Variants in TMTC2 observed in about 807,000 individuals in gnomAD.
TMTC2 encodes the protein protein O-mannosyl-transferase TMTC2.
Under a neutral mutation model 82.4 loss-of-function variants are expected in TMTC2, and 43 were observed. That is an observed-to-expected ratio of 0.52 (90% CI 0.41 to 0.67). The LOEUF (loss-of-function observed/expected upper bound fraction) is 0.67, where lower values mean the gene tolerates loss of function less well. Ranked by LOEUF, TMTC2 falls within the 30% of genes least tolerant of loss-of-function variation. The pLI is 0.00. For missense variants in TMTC2, 919 were observed against 1,012.4 expected (o/e 0.91, Z 1.25); for synonymous variants, 408 against 381.9 (o/e 1.07, Z -0.80).
chr12:83,121,644 G>T (rs151160113), intron 11 of TMTC2, among the ~76,000 whole-genome samples: 1 of 152,262 alleles, frequency 6.6e-6, no homozygotes, highest in East Asian at 1.9e-4. Context: ...CTGCTGGGAT[G>T]TGGCGCTTCC....
chr12:82,926,657 T>C (rs1035758298), intron 3 of TMTC2, among the ~76,000 whole-genome samples: 11 of 152,198 alleles, frequency 7.2e-5, no homozygotes, highest in African/African-American at 2.7e-4. Flanking sequence ...AGAGAGGTGT[T>C]AGTGCCTGGC....
chr12:82,908,955 C>G (rs996283981), intron 3 of TMTC2, among the ~76,000 whole-genome samples: 5 of 152,138 alleles, frequency 3.3e-5, no homozygotes, highest in African/African-American at 1.2e-4. Flanking sequence ...AAAATCTCTG[C>G]TACAATTGTA....
intron 1 of TMTC2, among the ~76,000 whole-genome samples, chr12:82,753,123 G>A (rs1030202586): frequency 6.6e-6 from 1 of 151,964 alleles, no homozygotes; most frequent in African/African-American, 2.4e-5. Context: ...GAAGCATTCA[G>A]GCAGATACCA....
chr12:82,923,445 T>G (rs2137231705), intron 3 of TMTC2, among the ~76,000 whole-genome samples: 1 of 152,288 alleles, frequency 6.6e-6, no homozygotes, highest in Non-Finnish European at 1.5e-5. Context: ...ATTATACATT[T>G]AACTTGTTCA....
intron 2 of TMTC2, among the ~76,000 whole-genome samples, chr12:82,862,033 A>G (rs1871580020): frequency 6.6e-6 from 1 of 152,174 alleles, no homozygotes; most frequent in Non-Finnish European, 1.5e-5. Context: ...GGGGTCTGGA[A>G]GGTAGGGTTG....
chr12:82,987,948 C>A (rs144675418), intron 8 of TMTC2, among the ~76,000 whole-genome samples: 21 of 152,130 alleles, frequency 1.4e-4, no homozygotes, highest in African/African-American at 4.8e-4. Flanking sequence ...AATTTACCTA[C>A]ATGACCCTGG....
At chr12:82,729,935 G>A (rs923903816) in intron 1 of TMTC2, among the ~76,000 whole-genome samples, 2 of 151,974 alleles carry the variant, frequency 1.3e-5, no homozygotes, top group Non-Finnish European at 2.9e-5. Flanking sequence ...AACTCCAGAT[G>A]CGCTGCTTAA....
intron 7 of TMTC2, among the ~76,000 whole-genome samples, chr12:82,976,415 AT>A (rs201375726): frequency 2.6e-5 from 4 of 151,964 alleles, no homozygotes; most frequent in Non-Finnish European, 5.9e-5. Flanking sequence ...TGAAACACAT[AT>A]TTTTTTCCAT....
intron 1 of TMTC2, among the ~76,000 whole-genome samples, chr12:82,688,355 T>G (rs1022319407): frequency 6.6e-6 from 1 of 152,202 alleles, no homozygotes; most frequent in African/African-American, 2.4e-5. Context: ...TTTGTACTAA[T>G]TGGAGAAGAA....
chr12:82,982,986 A>G (rs1878992110), intron 7 of TMTC2, among the ~76,000 whole-genome samples: 1 of 151,822 alleles, frequency 6.6e-6, no homozygotes, highest in South Asian at 2.1e-4. Flanking sequence ...TAAAGCAACT[A>G]TTATAGAAAT....
At chr12:83,107,165 G>T (rs1480784573) in intron 11 of TMTC2, among the ~76,000 whole-genome samples, 2 of 152,182 alleles carry the variant, frequency 1.3e-5, no homozygotes, top group African/African-American at 4.8e-5. Context: ...TGACAGGGAA[G>T]CTCAGTGGAA....
intron 7 of TMTC2, among the ~76,000 whole-genome samples, chr12:82,977,622 A>T (rs1878731731): frequency 6.6e-6 from 1 of 151,830 alleles, no homozygotes; most frequent in Non-Finnish European, 1.5e-5. Context: ...TTAATAATGA[A>T]ACTATATAAT....
intron 1 of TMTC2, among the ~76,000 whole-genome samples, chr12:82,839,426 G>T (rs753009920): frequency 3.3e-5 from 5 of 152,052 alleles, no homozygotes; most frequent in Non-Finnish European, 7.4e-5. Context: ...TGTATTTTAG[G>T]CCATCATAAA....
chr12:83,082,285 C>A (rs914540245), intron 11 of TMTC2, among the ~76,000 whole-genome samples: 1 of 152,142 alleles, frequency 6.6e-6, no homozygotes, highest in Admixed American at 6.5e-5. Context: ...TTAAAGTGTG[C>A]TAACACATGC....
chr12:82,962,357 A>G (rs976122792), intron 4 of TMTC2, among the ~76,000 whole-genome samples: 2 of 152,018 alleles, frequency 1.3e-5, no homozygotes, highest in Non-Finnish European at 2.9e-5. Flanking sequence ...TTAGTGGGCT[A>G]TTGCCATCAT....
At chr12:83,045,707 T>TCACACACACACACACACACACACA (rs143555229) in intron 9 of TMTC2, among the ~76,000 whole-genome samples, 6,750 of 122,256 alleles carry the variant, frequency 0.055, 772 homozygotes, top group East Asian at 0.099. Flanking sequence ...AAGGGCTCCT[T>TCACACACACACACACACACACACA]CACACACACA....
chr12:83,060,451 T>C (rs1402415418), intron 10 of TMTC2, among the ~76,000 whole-genome samples: 1 of 151,696 alleles, frequency 6.6e-6, no homozygotes, highest in African/African-American at 2.4e-5. Context: ...ATTGAGAAAG[T>C]TAATTTTTGT....
chr12:83,104,248 C>G (rs1039031393), intron 11 of TMTC2, among the ~76,000 whole-genome samples: 2 of 152,184 alleles, frequency 1.3e-5, no homozygotes, highest in African/African-American at 4.8e-5. Context: ...ATTCTGGGGT[C>G]TAGAGGGCAA....
chr12:82,993,782 G>A (rs998985347), intron 8 of TMTC2, among the ~76,000 whole-genome samples: 3 of 152,140 alleles, frequency 2.0e-5, no homozygotes, highest in Non-Finnish European at 4.4e-5. Flanking sequence ...CGTGCGGGTG[G>A]TAAAGGAATT....
Sources: allele counts gnomAD v4.1 joint callset (sites outside exome capture counted in the v4.1 genomes callset), GRCh38; gene constraint gnomAD v4.1.1; transcripts MANE v1.5; gene names NCBI Gene and HGNC (gene_info 2026-07-23, HGNC 2026-07-21).